Variants in LIN54 observed in about 807,000 individuals in gnomAD.
LIN54 encodes lin-54 DREAM MuvB core complex component.
A neutral mutation model predicts 78.7 loss-of-function variants in LIN54; 9 were observed. The observed-to-expected ratio is 0.11, with a 90% CI of 0.07 to 0.20. The LOEUF is 0.20. Among genes scored for constraint, LIN54 ranks in the 10% least tolerant of loss-of-function variants. The pLI, the probability that LIN54 is intolerant of heterozygous loss-of-function variation, is 1.00. For missense variants in LIN54, 573 were observed against 889.9 expected (o/e 0.64, Z 4.53); for synonymous variants, 269 against 318.4 (o/e 0.84, Z 1.65).
intron 1 of LIN54, among the ~76,000 whole-genome samples, chr4:82,987,227 G>A (rs1166298068): frequency 2.0e-5 from 3 of 152,204 alleles, no homozygotes; most frequent in Admixed American, 6.5e-5. Context: ...GGAGGCGGAG[G>A]TTGCAGTGAG....
chr4:82,999,872 G>A (rs1434682735), intron 1 of LIN54, among the ~76,000 whole-genome samples: 1 of 151,446 alleles, frequency 6.6e-6, no homozygotes, highest in Non-Finnish European at 1.5e-5. Context: ...GAGGAGAATG[G>A]ATATCTGCCC....
Position 82,928,252 on chromosome 4 carries a change from G to A in LIN54, c.2100C>T (p.Cys700=), listed in dbSNP as rs745915005. 6.2e-7 allele frequency: 1 copy of A among 1,614,202 alleles called. No individual in the cohort carries two copies. The highest frequency in any genetic ancestry group is 1.1e-5 in the South Asian group (1 of 91,084). The part of the protein sequence containing the change: ...TKEVAEATCN[C]LLAQAEQADK... ...CTGCCTGCTCTGCCTGGGCAAGGAG[G>A]CAATTACATGTGGCTTCAGCTACTT... The change falls in exon 13 of 13, where the codon TGC becomes TGT. Residue 700 remains cysteine (C), a synonymous_variant. Coordinates refer to ENST00000340417, the MANE Select transcript of LIN54 (RefSeq NM_194282.4).
intron 4 of LIN54, among the ~76,000 whole-genome samples, chr4:82,969,820 A>C (rs1560756663): frequency 6.6e-6 from 1 of 152,228 alleles, no homozygotes; most frequent in Non-Finnish European, 1.5e-5. Context: ...TCACAATAAA[A>C]TAAGAAAGCA....
intron 1 of LIN54, among the ~76,000 whole-genome samples, chr4:83,000,284 A>C (rs1728646110): frequency 6.6e-6 from 1 of 152,202 alleles, no homozygotes; most frequent in Admixed American, 6.5e-5. Flanking sequence ...AGGGAGCACC[A>C]GAATTTTTAA....
chr4:82,954,707 A>T (rs1187152705), intron 4 of LIN54, among the ~76,000 whole-genome samples: 4 of 152,230 alleles, frequency 2.6e-5, no homozygotes, highest in Admixed American at 1.3e-4. Flanking sequence ...ATAAAAACAG[A>T]CCACACCCAA....
chr4:83,010,633 C>A lies in LIN54; in HGVS notation c.-182G>T. 1 of 1,230,604 alleles carries A rather than the reference C, an allele frequency of 8.1e-7. No individual in the cohort carries two copies. Among genetic ancestry groups the A allele is most frequent in the South Asian group, 4.1e-5 (1 of 24,278 alleles). 76.2% of individuals were successfully genotyped at this position (1,230,604 alleles called of 1,614,324 possible). On this transcript the variant is annotated 5_prime_UTR_variant, in exon 1 of 13. Coordinates refer to ENST00000340417, the MANE Select transcript of LIN54 (RefSeq NM_194282.4). ...CTTTCCCAGTTTGTCCAAACTGGAGCGCTCCAGGGTACCCGGGGACCGAGA... is the reference window on the plus strand; with the variant it reads ...CTTTCCCAGTTTGTCCAAACTGGAGAGCTCCAGGGTACCCGGGGACCGAGA...
intron 1 of LIN54, among the ~76,000 whole-genome samples, chr4:82,994,620 G>C (rs185105936): frequency 7.1e-4 from 108 of 152,008 alleles, no homozygotes; most frequent in African/African-American, 2.4e-3. Context: ...GACTGGTCTC[G>C]AACTCCTGAC....
chr4:82,929,179 G>A (rs1387366844), intron 12 of LIN54, among the ~76,000 whole-genome samples: 3 of 152,152 alleles, frequency 2.0e-5, no homozygotes, highest in Non-Finnish European at 4.4e-5. Flanking sequence ...CTTTAAACTA[G>A]AAAATATTAA....
At chr4:82,942,886 A>C (rs1223327516) in intron 5 of LIN54, among the ~76,000 whole-genome samples, 11 of 142,946 alleles carry the variant, frequency 7.7e-5, no homozygotes, top group Non-Finnish European at 1.5e-4. Flanking sequence ...ACACACACAC[A>C]CACACACCCT....
chr4:83,012,282 T>G (rs1350461989), upstream of LIN54, among the ~76,000 whole-genome samples: 2 of 151,982 alleles, frequency 1.3e-5, no homozygotes, highest in Non-Finnish European at 2.9e-5. Flanking sequence ...ATTATGACAT[T>G]TGGCTGGTGG....
At chr4:82,943,089 C>G (rs11942288) in intron 5 of LIN54, among the ~76,000 whole-genome samples, 1 of 152,028 alleles carries the variant, frequency 6.6e-6, no homozygotes, top group Non-Finnish European at 1.5e-5. Flanking sequence ...CATTTCTTGT[C>G]CTCCTTACCT....
intron 11 of LIN54, among the ~76,000 whole-genome samples, chr4:82,933,602 T>C (rs550756746): frequency 2.0e-5 from 3 of 152,382 alleles, no homozygotes; most frequent in Non-Finnish European, 4.4e-5. Flanking sequence ...AGCCCACAGC[T>C]AATTTACAGC....
chr4:82,941,097 A>G (rs1007212034), intron 5 of LIN54, among the ~76,000 whole-genome samples: 5 of 151,080 alleles, frequency 3.3e-5, no homozygotes, highest in Non-Finnish European at 7.4e-5. Flanking sequence ...ACGTGTCCAA[A>G]TAAGATAAAT....
chr4:82,936,831 A>G (rs1314623005), intron 9 of LIN54, among the ~76,000 whole-genome samples: 3 of 152,166 alleles, frequency 2.0e-5, no homozygotes, highest in Admixed American at 1.3e-4. Context: ...TCATTTAACT[A>G]TTTCATGTCA....
At chr4:82,967,645 G>T (rs1725310846) in intron 4 of LIN54, among the ~76,000 whole-genome samples, 1 of 152,200 alleles carries the variant, frequency 6.6e-6, no homozygotes, top group Non-Finnish European at 1.5e-5. Context: ...AAGGCAGCTG[G>T]AGAGTACACC....
chr4:82,988,547 T>C (rs931546265), intron 1 of LIN54, among the ~76,000 whole-genome samples: 6 of 152,238 alleles, frequency 3.9e-5, no homozygotes, highest in African/African-American at 1.2e-4. Context: ...TTTGAGTAAA[T>C]ATCTAGAAGA....
At chr4:82,979,419 T>C (rs996270166) in intron 2 of LIN54, among the ~76,000 whole-genome samples, 1 of 152,116 alleles carries the variant, frequency 6.6e-6, no homozygotes, top group African/African-American at 2.4e-5. Context: ...CACAATTACA[T>C]TGGCCCTTGG....
chr4:82,950,881 C>T (rs559840234), intron 4 of LIN54, among the ~76,000 whole-genome samples: 1 of 152,158 alleles, frequency 6.6e-6, no homozygotes, highest in African/African-American at 2.4e-5. Context: ...AAACATTCTT[C>T]TTTTGTCCTC....
At position 82,938,571 on chromosome 4, in the gene LIN54, A is replaced by G. The variant is rs1204390926; in HGVS notation, c.1441-67T>C. The G allele has an allele frequency of 9.6e-6, 8 of 837,276 alleles. No individual in the cohort carries two copies. The South Asian group carries it at 1.0e-4, about 11-fold the overall frequency. The allele number at this position is 837,276 out of a possible 1,614,324, so 51.9% of individuals were successfully genotyped here. A position where few individuals can be genotyped will look rare whatever the true frequency, so the allele number is the denominator to read the frequency against. On this transcript the variant is annotated intron_variant, in intron 7 of 12. Transcript: ENST00000340417. ...ATGGACAATACTGTCAGGTATGATG[A>G]TCAGTAAGAAATACAAATTCATCCA... is the stretch of plus-strand genomic sequence containing the variant.
Sources: gnomAD v4.1 joint callset for allele counts (sites outside exome capture counted in the v4.1 genomes callset) on GRCh38, gnomAD v4.1.1 for gene constraint, MANE v1.5 for transcripts, NCBI Gene and HGNC (gene_info 2026-07-23, HGNC 2026-07-21) for gene names.